Variants in EDIL3 observed in about 807,000 individuals in gnomAD.
EDIL3 encodes EGF-like repeat and discoidin I-like domain-containing protein 3.
EDIL3 carries 37 observed loss-of-function variants against 67.4 expected under a neutral mutation model. The ratio of observed to expected loss-of-function variants is 0.55; its 90% CI spans 0.42 to 0.72. EDIL3 has a LOEUF of 0.72. EDIL3 is among the 30% of genes least tolerant of loss of function. The probability of loss-of-function intolerance (pLI) is 0.00; values close to 1 mark genes in which losing one functional copy is unlikely to be tolerated. For synonymous variants in EDIL3, 195 were observed against 196.3 expected (o/e 0.99, Z 0.05); for missense variants, 527 against 586.3 (o/e 0.90, Z 1.04).
chr5:84,182,929 T>C (rs1244573588), intron 3 of EDIL3, among the ~76,000 whole-genome samples: 3 of 152,156 alleles, frequency 2.0e-5, no homozygotes, highest in African/African-American at 4.8e-5. Context: ...AGGTGGTACA[T>C]TGCCAATATT....
chr5:84,033,373 A>G (rs988048377), intron 9 of EDIL3, among the ~76,000 whole-genome samples: 29 of 152,170 alleles, frequency 1.9e-4, no homozygotes, highest in African/African-American at 5.1e-4. Flanking sequence ...CGTAACTTCA[A>G]AATTGTTCTA....
chr5:83,978,380 C>T (rs1016614117), intron 9 of EDIL3, among the ~76,000 whole-genome samples: 5 of 151,840 alleles, frequency 3.3e-5, no homozygotes, highest in African/African-American at 1.2e-4. Context: ...AAAGATATAA[C>T]ATATGTCATA....
chr5:83,966,903 T>C (rs1187469317), intron 9 of EDIL3, among the ~76,000 whole-genome samples: 1 of 152,152 alleles, frequency 6.6e-6, no homozygotes, highest in Non-Finnish European at 1.5e-5. Flanking sequence ...CAACAAGTTC[T>C]GGATCATAAA....
chr5:83,995,736 T>G (rs915667423), intron 9 of EDIL3, among the ~76,000 whole-genome samples: 3 of 152,178 alleles, frequency 2.0e-5, no homozygotes, highest in African/African-American at 7.2e-5. Context: ...TCCATTACCA[T>G]GTTTTATTCA....
chr5:84,092,956 A>G (rs1262712747), intron 6 of EDIL3, among the ~76,000 whole-genome samples: 2 of 152,202 alleles, frequency 1.3e-5, no homozygotes, highest in African/African-American at 4.8e-5. Flanking sequence ...ATTATGGAGT[A>G]AAGTATGGGT....
intron 10 of EDIL3, among the ~76,000 whole-genome samples, chr5:83,957,009 C>T (rs1459662584): frequency 6.6e-6 from 1 of 151,706 alleles, no homozygotes; most frequent in Non-Finnish European, 1.5e-5. Flanking sequence ...AAAGTGACTA[C>T]ATGAATTTCT....
intron 9 of EDIL3, among the ~76,000 whole-genome samples, chr5:83,978,228 T>C (rs190004528): frequency 2.6e-5 from 4 of 152,008 alleles, no homozygotes; most frequent in Admixed American, 6.6e-5. Flanking sequence ...AAATAGAAAA[T>C]GTAAATTTTA....
chr5:84,178,532 G>A (rs555814124), intron 4 of EDIL3, among the ~76,000 whole-genome samples: 1 of 152,106 alleles, frequency 6.6e-6, no homozygotes, highest in African/African-American at 2.4e-5. Flanking sequence ...AGGACAGCTT[G>A]CTAACCTTTG....
intron 3 of EDIL3, among the ~76,000 whole-genome samples, chr5:84,201,971 T>C (rs1401498545): frequency 2.0e-5 from 3 of 152,112 alleles, no homozygotes; most frequent in African/African-American, 7.2e-5. Flanking sequence ...AATTGTGTTG[T>C]AAAGAGTTTT....
chr5:84,291,409 T>C (rs1745911746), intron 1 of EDIL3, among the ~76,000 whole-genome samples: 1 of 152,048 alleles, frequency 6.6e-6, no homozygotes, highest in Admixed American at 6.6e-5. Context: ...ATTGAATTTT[T>C]TGAAAATATA....
At position 83,996,776 on chromosome 5, in the gene EDIL3, G is replaced by T. The variant is rs145270053; in HGVS notation, c.1138-33416C>A. Among the ~76,000 whole-genome samples the T allele has an allele frequency of 5.3e-5, 8 of 152,316 alleles. No individual in the cohort carries two copies. The East Asian group carries it at 1.5e-3, about 29-fold the overall frequency. Reference sequence around the variant, plus strand: ...CACGTCTTCCTAGAAAAGGTGATATGTGACATAAATTCTAGAACCATCCTA... The same window carrying T: ...CACGTCTTCCTAGAAAAGGTGATATTTGACATAAATTCTAGAACCATCCTA... On this transcript the variant is annotated intron_variant, in intron 9 of 10. Coordinates refer to ENST00000296591, the MANE Select transcript of EDIL3 (RefSeq NM_005711.5).
intron 4 of EDIL3, among the ~76,000 whole-genome samples, chr5:84,139,041 C>T (rs1044430598): frequency 6.6e-6 from 1 of 152,160 alleles, no homozygotes; most frequent in Non-Finnish European, 1.5e-5. Context: ...AGTTCAAGAC[C>T]AGCCTGGCCA....
intron 1 of EDIL3, among the ~76,000 whole-genome samples, chr5:84,294,125 T>C (rs949426716): frequency 1.3e-5 from 2 of 150,880 alleles, no homozygotes; most frequent in Non-Finnish European, 2.9e-5. Flanking sequence ...GGCTCACGCC[T>C]GTAATCCCAG....
chr5:84,021,716 T>G (rs774224488), intron 9 of EDIL3, among the ~76,000 whole-genome samples: 7 of 151,994 alleles, frequency 4.6e-5, no homozygotes, highest in Non-Finnish European at 1.0e-4. Flanking sequence ...TTAGGTCCAT[T>G]TGGCCTAAGT....
intron 2 of EDIL3, among the ~76,000 whole-genome samples, chr5:84,238,683 T>C (rs948687210): frequency 6.9e-6 from 1 of 144,224 alleles, no homozygotes; most frequent in Non-Finnish European, 1.5e-5. Context: ...TTTTTTTTTT[T>C]CAGAATCATT....
At chr5:84,374,753 TAGTG>T (rs1461251907) in intron 1 of EDIL3, among the ~76,000 whole-genome samples, 1 of 152,078 alleles carries the variant, frequency 6.6e-6, no homozygotes, top group Non-Finnish European at 1.5e-5. Flanking sequence ...TGTTCTTGAA[TAGTG>T]AGTAAGTTCT....
At chr5:84,325,112 A>C (rs1215644269) in intron 1 of EDIL3, among the ~76,000 whole-genome samples, 2 of 151,990 alleles carry the variant, frequency 1.3e-5, no homozygotes, top group East Asian at 3.9e-4. Context: ...CACAGACATC[A>C]AAAGAAAAAA....
intron 9 of EDIL3, among the ~76,000 whole-genome samples, chr5:84,037,981 C>CTTTTTTT (rs1746049962): frequency 9.0e-6 from 1 of 111,072 alleles, no homozygotes; most frequent in African/African-American, 4.3e-5. Flanking sequence ...TCTTTTCTTT[C>CTTTTTTT]TTTCTTGTTT....
intron 1 of EDIL3, among the ~76,000 whole-genome samples, chr5:84,358,490 A>ATGATTTTGG (rs1224493096): frequency 1.3e-5 from 2 of 152,124 alleles, no homozygotes; most frequent in Non-Finnish European, 2.9e-5. Flanking sequence ...TGGAAGGAGT[A>ATGATTTTGG]AAACATCTCT....
Sources: allele counts gnomAD v4.1 joint callset (sites outside exome capture counted in the v4.1 genomes callset), GRCh38; gene constraint gnomAD v4.1.1; transcripts MANE v1.5; gene names NCBI Gene and HGNC (gene_info 2026-07-23, HGNC 2026-07-21).